GAS6: variants seen among roughly 807,000 people sequenced by gnomAD.
GAS6 encodes the protein growth arrest specific 6, also known as growth arrest-specific protein 6.
A neutral mutation model predicts 75.8 loss-of-function variants in GAS6; 41 were observed. The observed-to-expected ratio is 0.54, with a 90% CI of 0.42 to 0.70. The LOEUF is 0.70. Ranked by LOEUF, GAS6 falls within the 30% of genes least tolerant of loss-of-function variation. The pLI is 0.00. For synonymous variants in GAS6, 432 were observed against 412.6 expected (o/e 1.05, Z -0.57); for missense variants, 854 against 940.2 (o/e 0.91, Z 1.20).
At chr13:113,832,131 C>T (rs898800189) in intron 10 of GAS6, among the ~76,000 whole-genome samples, 168 bp downstream of exon 10, 1 of 150,522 alleles carries the variant, frequency 6.6e-6, no homozygotes, top group Non-Finnish European at 1.5e-5. Context: ...CAGGGGTCCC[C>T]GTCTCCCGGA....
intron 2 of GAS6, among the ~76,000 whole-genome samples, chr13:113,859,534 GTC>G (rs1436339509): frequency 2.6e-5 from 4 of 152,082 alleles, no homozygotes; most frequent in Admixed American, 6.5e-5. Context: ...GTGTGTGCAT[GTC>G]TGTCAGTGTG....
At chr13:113,821,376 C>CT (rs1384699129) in intron 14 of GAS6, 1 of 253,562 alleles carries the variant, frequency 3.9e-6, no homozygotes, top group African/African-American at 2.2e-5. Context: ...TAAGTGGAGT[C>CT]TGTGTCTGGC....
chr13:113,858,346 C>T (rs548268940), intron 2 of GAS6, among the ~76,000 whole-genome samples: 4 of 151,730 alleles, frequency 2.6e-5, no homozygotes, highest in East Asian at 1.9e-4. Context: ...TGACTGTGTA[C>T]GTATGTCTAT....
chr13:113,863,520 T>C lies in GAS6; in HGVS notation c.255+55A>G. ...CAGCAGCGCTGCCTCTCGGGAGCGG[T>C]TGGAGGCGCGCGGGCGCCAGGGGTT... On this transcript the variant is annotated intron_variant, in intron 2 of 14. Coordinates refer to ENST00000327773, the MANE Select transcript of GAS6 (RefSeq NM_000820.4). This position sits in a 1 kb window ranked among gnomAD's most constrained non-coding sequence, Gnocchi z 9.4. 2 of 1,468,176 alleles carry C rather than the reference T, an allele frequency of 1.4e-6. No homozygotes were observed. Among genetic ancestry groups the C allele is most frequent in the Non-Finnish European group, 1.8e-6 (2 of 1,114,906 alleles). 90.9% of individuals were successfully genotyped at this position (1,468,176 alleles called of 1,614,324 possible).
At chr13:113,859,884 C>T (rs1310006255) in intron 2 of GAS6, among the ~76,000 whole-genome samples, 1 of 152,154 alleles carries the variant, frequency 6.6e-6, no homozygotes. Flanking sequence ...AGGGACCTCC[C>T]TTTAGGCCAT....
chr13:113,851,159 G>A (rs1242197883), intron 2 of GAS6, among the ~76,000 whole-genome samples: 4 of 152,072 alleles, frequency 2.6e-5, no homozygotes, highest in Non-Finnish European at 2.9e-5. Context: ...ATAAATGAAT[G>A]AGGATGGACG....
intron 12 of GAS6, among the ~76,000 whole-genome samples, chr13:113,825,487 T>G (rs893276020): frequency 1.3e-5 from 2 of 152,110 alleles, no homozygotes; most frequent in African/African-American, 4.8e-5. Context: ...ACGTTACTGG[T>G]ATAGTTTGAG....
intron 12 of GAS6, among the ~76,000 whole-genome samples, chr13:113,826,134 C>T (rs963114487): frequency 3.3e-5 from 5 of 152,192 alleles, no homozygotes; most frequent in African/African-American, 4.8e-5. Flanking sequence ...AGGGCGGCAG[C>T]GTGGCGTCAC....
chr13:113,824,448 G>GCGGTC, intron 12 of GAS6, among the ~76,000 whole-genome samples: 1 of 152,026 alleles, frequency 6.6e-6, no homozygotes, highest in African/African-American at 2.4e-5. Flanking sequence ...TCGGGAACAT[G>GCGGTC]TGTGGTCTCC....
chr13:113,845,991 G>T lies in GAS6; in HGVS notation c.343+536C>A, dbSNP rs1008109715. 6.6e-6 allele frequency among the ~76,000 whole-genome samples: 1 copy of T among 152,206 alleles called. No homozygotes were observed. The highest frequency in any genetic ancestry group is 1.5e-5 in the Non-Finnish European group (1 of 68,036). ...GGCAACAGGTGCATGAGGATGTCAC[G>T]CCAGTTTTGTTTAAATGATGGAAAT... is the stretch of plus-strand genomic sequence containing the variant. On this transcript the variant is annotated intron_variant, in intron 4 of 14. Transcript: ENST00000327773. This position sits in a 1 kb window ranked among gnomAD's most constrained non-coding sequence, Gnocchi z 4.3.
intron 8 of GAS6, among the ~76,000 whole-genome samples, chr13:113,834,053 C>T (rs1177354394): frequency 7.7e-6 from 1 of 129,044 alleles, no homozygotes; most frequent in African/African-American, 3.1e-5. Flanking sequence ...TGTGATAGGC[C>T]CCGGTGTGAC....
At chr13:113,859,389 T>G (rs2051950485) in intron 2 of GAS6, among the ~76,000 whole-genome samples, 2 of 151,756 alleles carry the variant, frequency 1.3e-5, no homozygotes, top group Admixed American at 6.6e-5. Flanking sequence ...TGTGCATGTA[T>G]GTATACATGT....
In GAS6 at chr13:113,832,347, G is replaced by A; in HGVS notation, c.1095C>T (p.Gly365=). ...TGACCGGGCCGCTGCTGGTGACACG[G>A]CCGACACCGTTGTAGCGCAGCTGCA... is the stretch of plus-strand genomic sequence containing the variant. ...LELQLRYNGV[G]RVTSSGPVIN... is the part of the protein sequence containing the mutation. The change falls in exon 10 of 15, where the codon GGC becomes GGT. Residue 365 remains glycine, a synonymous_variant. Coordinates refer to ENST00000327773, the MANE Select transcript of GAS6 (RefSeq NM_000820.4). 1 of 1,605,226 alleles carries A rather than the reference G, an allele frequency of 6.2e-7. No homozygotes were observed. The highest frequency in any genetic ancestry group is 8.5e-7 in the Non-Finnish European group (1 of 1,179,842).
At chr13:113,850,450 G>A (rs1440066791) in intron 2 of GAS6, among the ~76,000 whole-genome samples, 7 of 152,140 alleles carry the variant, frequency 4.6e-5, no homozygotes, top group African/African-American at 1.4e-4. Context: ...GGCAACAGGG[G>A]GAAGAAGCTG....
intron 10 of GAS6, among the ~76,000 whole-genome samples, chr13:113,831,233 G>T (rs1311279216): frequency 6.6e-6 from 1 of 152,214 alleles, no homozygotes; most frequent in Non-Finnish European, 1.5e-5. Context: ...ATGGGGCTGG[G>T]GTCCAGGTGG....
At chr13:113,857,470 G>C (rs1256673640) in intron 2 of GAS6, among the ~76,000 whole-genome samples, 1 of 152,208 alleles carries the variant, frequency 6.6e-6, no homozygotes, top group African/African-American at 2.4e-5. Context: ...GAAGAGTCCA[G>C]AGCATTTCCA....
At chr13:113,829,018 GATCCTCACCTGGGCCAAGAGGGTCTCA>G (rs2051591472) in intron 10 of GAS6, among the ~76,000 whole-genome samples, 1 of 91,558 alleles carries the variant, frequency 1.1e-5, no homozygotes, top group African/African-American at 9.1e-5. Flanking sequence ...GAGACCACCT[GATCCTCACCTGGGCCAAGAGGGTCTCA>G]ATCTCAGGCA....
chr13:113,822,012 C>T lies in GAS6; in HGVS notation c.1828G>A (p.Val610Met), dbSNP rs371536576. Reference sequence around the variant, plus strand: ...GGGCTCCGCAGGTGCCTCTCGAGCACGGCCAGCCTCTCCTGCAGCTGCGCG... The same window carrying T: ...GGGCTCCGCAGGTGCCTCTCGAGCATGGCCAGCCTCTCCTGCAGCTGCGCG... ...SAAQLQERLA[V>M]LERHLRSPVL... The change falls in exon 14 of 15, where the codon GTG becomes ATG. Residue 610 changes from valine to methionine, a missense_variant. Coordinates refer to ENST00000327773, the MANE Select transcript of GAS6 (RefSeq NM_000820.4). The T allele has an allele frequency of 1.8e-5, 28 of 1,559,954 alleles. No individual in the cohort carries two copies. The Admixed American group carries it at 2.5e-4, about 14-fold the overall frequency.
In GAS6 at chr13:113,820,747, G is replaced by A. The variant is rs957832941; in HGVS notation, c.*117C>T. On this transcript the variant is annotated 3_prime_UTR_variant, in exon 15 of 15. Transcript: ENST00000327773. Reference sequence around the variant, plus strand: ...ACTATTTACAGATATGTTACAGGCCGGGATGGTCACAGAGGAAAGCCCAGC... The same window carrying A: ...ACTATTTACAGATATGTTACAGGCCAGGATGGTCACAGAGGAAAGCCCAGC... 72 of 1,168,488 alleles carry A rather than the reference G, an allele frequency of 6.2e-5. 1 individual carries two copies. Among genetic ancestry groups the A allele is most frequent in the Non-Finnish European group, 7.7e-5 (65 of 847,022 alleles). The allele number at this position is 1,168,488 out of a possible 1,614,324, so 72.4% of individuals were successfully genotyped here.
Sources: gnomAD v4.1 joint callset for allele counts (sites outside exome capture counted in the v4.1 genomes callset) on GRCh38, gnomAD v4.1.1 for gene constraint, Gnocchi (gnomAD v3.1) non-coding constraint, MANE v1.5 for transcripts, NCBI Gene and HGNC (gene_info 2026-07-23, HGNC 2026-07-21) for gene names.